Variants in INTS9 observed in about 807,000 individuals in gnomAD.
INTS9 encodes the protein integrator complex subunit 9, also known as protein related to CPSF subunits of 74 kDa.
In INTS9, 55 loss-of-function variants were observed where a neutral mutation model predicts 79.7. The observed-to-expected ratio is 0.69, with a 90% CI of 0.56 to 0.86. The LOEUF is 0.86. Ranked by LOEUF, INTS9 falls within the 40% of genes least tolerant of loss-of-function variation. INTS9 has a pLI of 0.00. For missense variants in INTS9, 721 were observed against 831.5 expected, an observed-to-expected ratio of 0.87 and a Z score of 1.64; for synonymous variants, 319 against 325.2, an observed-to-expected ratio of 0.98 and a Z score of 0.20.
At chr8:28,889,615 G>T (rs900152664) in intron 1 of INTS9, among the ~76,000 whole-genome samples, 10 of 152,244 alleles carry the variant, frequency 6.6e-5, no homozygotes, top group African/African-American at 2.4e-4. Flanking sequence ...ATGGGCGAAG[G>T]ACTGTGACAG....
intron 4 of INTS9, among the ~76,000 whole-genome samples, chr8:28,844,855 C>T (rs1406973683): frequency 2.6e-5 from 4 of 152,110 alleles, no homozygotes; most frequent in African/African-American, 7.2e-5. Flanking sequence ...TTTGTGTATA[C>T]TTTATGGTGG....
chr8:28,861,689 T>C (rs1344923506), intron 1 of INTS9, among the ~76,000 whole-genome samples: 1 of 152,226 alleles, frequency 6.6e-6, no homozygotes, highest in East Asian at 1.9e-4. Flanking sequence ...TTCTAAATTA[T>C]GGAGGATAAG....
rs924880790 is a variant in INTS9 at position 28,881,008 on chromosome 8, C to T, written c.9+8866G>A. Among the ~76,000 whole-genome samples, 28 of 150,878 alleles carry T rather than the reference C, an allele frequency of 1.9e-4. No homozygotes were observed. The East Asian group carries it at 5.3e-3, about 29-fold the overall frequency. Reference sequence around the variant, plus strand: ...CCGCTCCGTCTGAAAAGTGAGGAAACCCTCTGCCTGGCAACCGCCCCGTCT... The same window carrying T: ...CCGCTCCGTCTGAAAAGTGAGGAAATCCTCTGCCTGGCAACCGCCCCGTCT... On this transcript the variant is annotated intron_variant, in intron 1 of 16. Coordinates refer to ENST00000521022, the MANE Select transcript of INTS9 (RefSeq NM_018250.4).
chr8:28,881,850 C>T (rs1409697438), intron 1 of INTS9, among the ~76,000 whole-genome samples: 2 of 143,452 alleles, frequency 1.4e-5, no homozygotes, highest in South Asian at 4.5e-4. Flanking sequence ...AGCCCCCCGC[C>T]CGGCCAGCCG....
chr8:28,874,239 A>C (rs867686913), intron 1 of INTS9, among the ~76,000 whole-genome samples: 1 of 152,022 alleles, frequency 6.6e-6, no homozygotes, highest in Non-Finnish European at 1.5e-5. Context: ...CCAGATTTCC[A>C]AAGGGAAAAA....
At chr8:28,777,759 A>G (rs1585333266) in intron 13 of INTS9, 70 bp downstream of exon 13, 2 of 1,497,334 alleles carry the variant, frequency 1.3e-6, no homozygotes, top group Middle Eastern at 2.1e-4. Context: ...CTCTCCCCTC[A>G]CCCCACACAA....
In INTS9 at chr8:28,837,565, C is replaced by T. The variant is rs2131187606; in HGVS notation, c.401+72G>A. On this transcript the variant is annotated intron_variant, in intron 5 of 16. Coordinates refer to ENST00000521022, the MANE Select transcript of INTS9 (RefSeq NM_018250.4). ...ACTAACCACCAGCCCTGGTATAATA[C>T]TGTGATAGCGTCATCACTGAGGGAG... 4 of 1,486,226 alleles carry T rather than the reference C, an allele frequency of 2.7e-6. No individual in the cohort carries two copies. In the South Asian group the frequency reaches 5.0e-5, roughly 19 times the overall value. 92.1% of individuals were successfully genotyped at this position (1,486,226 alleles called of 1,614,324 possible).
At chr8:28,877,706 C>T (rs556499864) in intron 1 of INTS9, among the ~76,000 whole-genome samples, 39 of 152,224 alleles carry the variant, frequency 2.6e-4, no homozygotes, top group African/African-American at 8.4e-4. Flanking sequence ...ACTATGCAAC[C>T]GGTTTTTCTT....
At chr8:28,831,147 A>G (rs1018660443) in intron 6 of INTS9, among the ~76,000 whole-genome samples, 11 of 152,250 alleles carry the variant, frequency 7.2e-5, no homozygotes, top group African/African-American at 2.7e-4. Flanking sequence ...GAATGAGATC[A>G]TGTCTGTTGT....
chr8:28,775,909 A>C lies in INTS9; in HGVS notation c.1413T>G (p.Cys471Trp). 6.3e-7 allele frequency: 1 copy of C among 1,578,638 alleles called. No homozygotes were observed. Among genetic ancestry groups the C allele is most frequent in the Non-Finnish European group, 8.6e-7 (1 of 1,162,354 alleles). Residue 471 changes from cysteine (C) to tryptophan (W), a missense_variant, in exon 14 of 17, where the codon TGT becomes TGG. Cys to Trp is a radical substitution (Grantham distance 215). This residue lies in a region of INTS9 where 281 missense variants were observed against 300.8 expected (regional missense o/e 0.93). Coordinates refer to ENST00000521022, the MANE Select transcript of INTS9 (RefSeq NM_018250.4). ...GGGGCGGCTGAGTGTACTGCTCAGG[A>C]CACACCACGTGCAGGGGCTGAGGAA... ...LKEVQPLHVV[C>W]PEQYTQPPPA...
At chr8:28,818,461 T>C (rs1316206807) in intron 6 of INTS9, among the ~76,000 whole-genome samples, 28 of 152,188 alleles carry the variant, frequency 1.8e-4, no homozygotes, top group Non-Finnish European at 2.1e-4. Flanking sequence ...CATTTCTTGA[T>C]TTGCGTATAT....
At chr8:28,873,463 A>C (rs1360595266) in intron 1 of INTS9, among the ~76,000 whole-genome samples, 1 of 152,252 alleles carries the variant, frequency 6.6e-6, no homozygotes, top group Admixed American at 6.5e-5. Flanking sequence ...TAAAGAAGCC[A>C]GACACAAATG....
intron 1 of INTS9, among the ~76,000 whole-genome samples, chr8:28,871,034 C>A (rs1054388723): frequency 1.3e-5 from 2 of 152,162 alleles, no homozygotes; most frequent in Admixed American, 1.3e-4. Flanking sequence ...TATTCACATG[C>A]ATTTATGTAG....
At chr8:28,886,824 A>G (rs1810196802) in intron 1 of INTS9, among the ~76,000 whole-genome samples, 1 of 152,228 alleles carries the variant, frequency 6.6e-6, no homozygotes, top group African/African-American at 2.4e-5. Flanking sequence ...CCTGGATCAA[A>G]GGATTAAATG....
At chr8:28,820,284 C>T (rs1805754480) in intron 6 of INTS9, among the ~76,000 whole-genome samples, 1 of 152,200 alleles carries the variant, frequency 6.6e-6, no homozygotes, top group African/African-American at 2.4e-5. Context: ...TTTGCAGTGG[C>T]TGGTACCAGT....
chr8:28,850,103 A>G (rs1271964969), intron 3 of INTS9, 110 bp downstream of exon 3: 4 of 731,792 alleles, frequency 5.5e-6, no homozygotes, highest in African/African-American at 1.8e-5. Flanking sequence ...ATTTTCAGAG[A>G]GGAAAAAAAA....
chr8:28,868,242 T>C (rs1808872043), intron 1 of INTS9, among the ~76,000 whole-genome samples: 1 of 152,208 alleles, frequency 6.6e-6, no homozygotes, highest in East Asian at 1.9e-4. Context: ...AATTATTAAA[T>C]TGCCCTGCAA....
chr8:28,769,924 T>G lies in INTS9; in HGVS notation c.1765A>C (p.Ile589Leu), dbSNP rs1487625331. ...KVLKPLLSGSIPVEQFVQTLE... is the reference protein window; with the variant it reads ...KVLKPLLSGSLPVEQFVQTLE... ...GTCTGCACGAACTGCTCCACAGGGA[T>G]GGAACCGCTCAACAAAGGCTTCAGG... The change falls in exon 16 of 17, where the codon ATC becomes CTC. Residue 589 changes from isoleucine (I) to leucine (L), a missense_variant. Ile to Leu is a conservative substitution (Grantham distance 5). Coordinates refer to ENST00000521022, the MANE Select transcript of INTS9 (RefSeq NM_018250.4). The G allele has an allele frequency of 1.1e-5, 18 of 1,614,098 alleles. No homozygotes were observed. Among genetic ancestry groups the G allele is most frequent in the Non-Finnish European group, 1.4e-5 (16 of 1,180,036 alleles).
At chr8:28,813,785 A>T in intron 6 of INTS9, 173 bp from the exon 7 acceptor site, 9 of 665,124 alleles carry the variant, frequency 1.4e-5, no homozygotes, top group African/African-American at 1.9e-5. Context: ...TTTTTGAGAC[A>T]GAGTCTCACT....
Sources: gnomAD v4.1 joint callset for allele counts (sites outside exome capture counted in the v4.1 genomes callset) on GRCh38, gnomAD v4.1.1 for gene constraint, gnomAD v4.1.1 regional missense constraint, MANE v1.5 for transcripts, NCBI Gene and HGNC (gene_info 2026-07-23, HGNC 2026-07-21) for gene names.